Variants in RANBP2 observed in about 807,000 individuals in gnomAD.
The protein encoded by RANBP2 is E3 SUMO-protein ligase RanBP2.
Under a neutral mutation model 303.6 loss-of-function variants are expected in RANBP2, and 57 were observed. The ratio of observed to expected loss-of-function variants is 0.19; its 90% confidence interval spans 0.15 to 0.23. The LOEUF is 0.23. Ranked by LOEUF, RANBP2 falls within the 10% of genes least tolerant of loss-of-function variation. The probability of loss-of-function intolerance (pLI) is 1.00; values close to 1 mark genes in which losing one functional copy is unlikely to be tolerated. For missense variants in RANBP2, 3,138 were observed against 3,780.8 expected (o/e 0.83, Z 4.46); for synonymous variants, 1,167 against 1,301.5 (o/e 0.90, Z 2.23).
the RANBP2 span, among the ~76,000 whole-genome samples, chr2:109,125,634 C>G: frequency 6.6e-6 from 1 of 152,258 alleles, no homozygotes. Flanking sequence ...CGTTACTTCT[C>G]TAGTCAGCCA....
the RANBP2 span, among the ~76,000 whole-genome samples, chr2:109,641,559 A>G: frequency 6.6e-6 from 1 of 152,190 alleles, no homozygotes; most frequent in Non-Finnish European, 1.5e-5. Context: ...ATAGAGACAG[A>G]AAGTACAATG....
chr2:109,088,601 G>T, the RANBP2 span, among the ~76,000 whole-genome samples: 19 of 152,020 alleles, frequency 1.2e-4, no homozygotes, highest in African/African-American at 4.6e-4. Flanking sequence ...CAATCTCCGG[G>T]GTTCAAGGCG....
At chr2:109,245,921 A>C in the RANBP2 span, among the ~76,000 whole-genome samples, 3 of 152,218 alleles carry the variant, frequency 2.0e-5, no homozygotes, top group East Asian at 5.8e-4. Flanking sequence ...TGGTCTCAGG[A>C]AATCCTTTGA....
the RANBP2 span, among the ~76,000 whole-genome samples, chr2:109,458,199 A>G: frequency 3.1e-3 from 479 of 152,302 alleles, 1 homozygote; most frequent in Non-Finnish European, 5.4e-3. Context: ...AATTCCTTCC[A>G]GGCCGCATCT....
the RANBP2 span, chr2:109,615,266 A>G: frequency 6.4e-7 from 1 of 1,571,948 alleles, no homozygotes; most frequent in African/African-American, 1.4e-5. Context: ...GCAGCGGCGG[A>G]GGCTCCGTGA....
the RANBP2 span, among the ~76,000 whole-genome samples, chr2:109,536,592 C>G: frequency 6.6e-6 from 1 of 152,156 alleles, no homozygotes; most frequent in African/African-American, 2.4e-5. Context: ...AGACTTCAGA[C>G]TGTGGACTTT....
chr2:109,071,457 TG>T, the RANBP2 span, among the ~76,000 whole-genome samples: 272 of 152,200 alleles, frequency 1.8e-3, no homozygotes, highest in African/African-American at 6.0e-3. Context: ...GCGGATCACT[TG>T]AGGTTAGGAG....
chr2:108,923,235 A>G, the RANBP2 span: 1 of 873,822 alleles, frequency 1.1e-6, no homozygotes, highest in Non-Finnish European at 1.9e-6. Flanking sequence ...AGGCCACAGG[A>G]GCACTTTCAC....
intron 4 of RANBP2, among the ~76,000 whole-genome samples, chr2:108,733,092 A>G (rs536674549): frequency 6.3e-4 from 96 of 151,898 alleles, no homozygotes; most frequent in African/African-American, 2.2e-3. Flanking sequence ...CCAAAGTGCT[A>G]GGATTACAGG....
chr2:109,206,999 C>T, the RANBP2 span, among the ~76,000 whole-genome samples: 7 of 152,154 alleles, frequency 4.6e-5, no homozygotes, highest in African/African-American at 1.7e-4. Context: ...TGGCTGAGCG[C>T]TGCATTTGCA....
At chr2:109,689,842 C>T in the RANBP2 span, among the ~76,000 whole-genome samples, 1 of 152,118 alleles carries the variant, frequency 6.6e-6, no homozygotes, top group African/African-American at 2.4e-5. Context: ...CCAAGTGTCT[C>T]TGAACAACAA....
the RANBP2 span, among the ~76,000 whole-genome samples, chr2:109,370,809 G>T: frequency 1.3e-5 from 2 of 151,976 alleles, no homozygotes; most frequent in Non-Finnish European, 2.9e-5. Context: ...TTTCCACTTT[G>T]TGCATTTATA....
At chr2:109,624,757 C>T in the RANBP2 span, among the ~76,000 whole-genome samples, 1 of 152,060 alleles carries the variant, frequency 6.6e-6, no homozygotes, top group South Asian at 2.1e-4. Context: ...CCAGTGGTGG[C>T]CTTGGAACCA....
chr2:109,413,056 CAG>C, the RANBP2 span, among the ~76,000 whole-genome samples: 2 of 152,234 alleles, frequency 1.3e-5, no homozygotes, highest in African/African-American at 2.4e-5. Context: ...GTATCATAAA[CAG>C]TGCTGCTGCG....
chr2:109,252,008 C>A, the RANBP2 span, among the ~76,000 whole-genome samples: 4 of 152,022 alleles, frequency 2.6e-5, no homozygotes, highest in African/African-American at 9.7e-5. Context: ...TTTGGGAGGC[C>A]AAGGTAGGAG....
At chr2:109,176,710 C>T in the RANBP2 span, among the ~76,000 whole-genome samples, 1 of 152,070 alleles carries the variant, frequency 6.6e-6, no homozygotes, top group Non-Finnish European at 1.5e-5. Context: ...GCACTCTAGC[C>T]TGGGTCACAG....
At chr2:109,658,000 G>A in the RANBP2 span, among the ~76,000 whole-genome samples, 5 of 151,886 alleles carry the variant, frequency 3.3e-5, no homozygotes, top group Middle Eastern at 3.4e-3. Context: ...GATTACAGGC[G>A]TGAGCCACCG....
At chr2:109,443,612 T>C in the RANBP2 span, among the ~76,000 whole-genome samples, 13 of 152,322 alleles carry the variant, frequency 8.5e-5, no homozygotes, top group African/African-American at 3.1e-4. Context: ...GTGGTTATCT[T>C]AATCAGATAG....
chr2:109,118,645 C>T, the RANBP2 span, among the ~76,000 whole-genome samples: 1 of 151,964 alleles, frequency 6.6e-6, no homozygotes, highest in Non-Finnish European at 1.5e-5. Flanking sequence ...GCAGCTAATG[C>T]CCTCTTGTGA....
Sources: allele counts gnomAD v4.1 joint callset (sites outside exome capture counted in the v4.1 genomes callset), GRCh38; gene constraint gnomAD v4.1.1; transcripts MANE v1.5; gene names NCBI Gene and HGNC (gene_info 2026-07-23, HGNC 2026-07-21).